The following ATF7 variants were observed in gnomAD, a reference collection of about 807,000 sequenced individuals.
ATF7 encodes cyclic AMP-dependent transcription factor ATF-7.
A neutral mutation model predicts 50.4 loss-of-function variants in ATF7; 10 were observed. The observed-to-expected ratio is 0.20, with a 90% CI of 0.12 to 0.34. The LOEUF (loss-of-function observed/expected upper bound fraction) is 0.34. Ranked by LOEUF, ATF7 falls within the 10% of genes least tolerant of loss-of-function variation. ATF7 has a pLI of 1.00. For synonymous variants in ATF7, 201 were observed against 226.4 expected, an observed-to-expected ratio of 0.89 and a Z score of 1.01; for missense variants, 465 against 613.9, an observed-to-expected ratio of 0.76 and a Z score of 2.56.
At chr12:53,586,771 G>A (rs988234126) in intron 2 of ATF7, among the ~76,000 whole-genome samples, 24 of 152,092 alleles carry the variant, frequency 1.6e-4, no homozygotes, top group African/African-American at 5.8e-4. Flanking sequence ...AGGAACTCCT[G>A]TCATCACTCT....
At chr12:53,612,076 A>G (rs981269504) in intron 1 of ATF7, among the ~76,000 whole-genome samples, 1 of 151,712 alleles carries the variant, frequency 6.6e-6, no homozygotes, top group African/African-American at 2.4e-5. Context: ...CCTGGGTTCC[A>G]GCGATTCTCC....
chr12:53,530,889 G>A (rs575141169), intron 9 of ATF7, among the ~76,000 whole-genome samples: 28 of 152,152 alleles, frequency 1.8e-4, no homozygotes, highest in African/African-American at 6.5e-4. Flanking sequence ...GATTACAGGC[G>A]TGAGCCACCT....
chr12:53,530,531 T>C (rs1368030337), intron 9 of ATF7, among the ~76,000 whole-genome samples: 1 of 152,096 alleles, frequency 6.6e-6, no homozygotes, highest in Non-Finnish European at 1.5e-5. Flanking sequence ...GGGATTTAAT[T>C]GGTAATGAGG....
chr12:53,573,269 T>C (rs1296812315), intron 2 of ATF7, among the ~76,000 whole-genome samples: 1 of 152,160 alleles, frequency 6.6e-6, no homozygotes, highest in Non-Finnish European at 1.5e-5. Flanking sequence ...GGAAACATAG[T>C]ATGGTCATCC....
chr12:53,528,822 T>C (rs902321723), intron 9 of ATF7, among the ~76,000 whole-genome samples: 5 of 151,200 alleles, frequency 3.3e-5, no homozygotes, highest in Non-Finnish European at 4.4e-5. Flanking sequence ...TTTAGGAGAA[T>C]AGGGGAAAGG....
chr12:53,597,330 A>G (rs909462679), intron 2 of ATF7, among the ~76,000 whole-genome samples: 1 of 152,218 alleles, frequency 6.6e-6, no homozygotes, highest in Non-Finnish European at 1.5e-5. Flanking sequence ...ATCCATTGAA[A>G]GCCTAGTGGT....
chr12:53,619,110 T>C (rs1944270943), intron 1 of ATF7, among the ~76,000 whole-genome samples: 1 of 151,936 alleles, frequency 6.6e-6, no homozygotes, highest in African/African-American at 2.4e-5. Context: ...ATGTCAACAT[T>C]ACAGGGAAAC....
intron 2 of ATF7, among the ~76,000 whole-genome samples, chr12:53,566,926 G>A (rs1230990110): frequency 6.6e-6 from 1 of 152,028 alleles, no homozygotes; most frequent in Non-Finnish European, 1.5e-5. Flanking sequence ...GCTAATTTTT[G>A]TATTTTTAGT....
chr12:53,545,247 G>A (rs774985010), intron 3 of ATF7, among the ~76,000 whole-genome samples: 14 of 152,142 alleles, frequency 9.2e-5, no homozygotes, highest in Non-Finnish European at 1.3e-4. Flanking sequence ...TCTGGTTTGT[G>A]AACAAACAGA....
chr12:53,593,902 G>C (rs892404363), intron 2 of ATF7, among the ~76,000 whole-genome samples: 1 of 152,198 alleles, frequency 6.6e-6, no homozygotes, highest in Admixed American at 6.5e-5. Flanking sequence ...CATACAGAGA[G>C]GCCCTAACAA....
In ATF7 at chr12:53,524,631, C is replaced by A; in HGVS notation, c.1058G>T (p.Arg353Leu). The A allele has an allele frequency of 6.2e-7, 1 of 1,613,936 alleles. No individual in the cohort carries two copies. Among genetic ancestry groups the A allele is most frequent in the Non-Finnish European group, 8.5e-7 (1 of 1,179,894 alleles). The change falls in exon 10 of 12, where the codon CGA becomes CTA. Residue 353 changes from arginine (R) to leucine (L), a missense_variant. Coordinates refer to ENST00000420353, the MANE Select transcript of ATF7 (RefSeq NM_006856.3). This position sits in a 1 kb window ranked among gnomAD's most constrained non-coding sequence, Gnocchi z 4.6. Reference sequence around the variant, plus strand: ...CTCTAGGGAGGACACCCACAGCTTTCGCTTTTGGCGGCAGCGGGAGGCTGC... The same window carrying A: ...CTCTAGGGAGGACACCCACAGCTTTAGCTTTTGGCGGCAGCGGGAGGCTGC... ...RAAASRCRQK[R>L]KLWVSSLEKK...
At chr12:53,548,751 G>A (rs2137477441) in intron 3 of ATF7, among the ~76,000 whole-genome samples, 2 of 152,330 alleles carry the variant, frequency 1.3e-5, no homozygotes, top group African/African-American at 4.8e-5. Context: ...GGAAGGCTGA[G>A]GCAAGAGGGT....
intron 5 of ATF7, among the ~76,000 whole-genome samples, chr12:53,535,558 CTG>C (rs1417578892): frequency 3.6e-4 from 54 of 152,000 alleles, no homozygotes; most frequent in Non-Finnish European, 8.8e-5. Context: ...GATCTAGGTG[CTG>C]GTTATACAGA....
intron 2 of ATF7, among the ~76,000 whole-genome samples, chr12:53,557,785 C>T (rs993461752): frequency 6.6e-6 from 1 of 152,176 alleles, no homozygotes; most frequent in Admixed American, 6.6e-5. Context: ...CTATTGAGTA[C>T]TTGCAATGTG....
intron 11 of ATF7, among the ~76,000 whole-genome samples, chr12:53,518,215 G>A: frequency 6.6e-6 from 1 of 152,248 alleles, no homozygotes. Flanking sequence ...CCACAGGTAA[G>A]TCTGATAGAT....
At chr12:53,535,888 C>G (rs79336636) in intron 5 of ATF7, among the ~76,000 whole-genome samples, 16,159 of 152,004 alleles carry the variant, frequency 0.11, 1,210 homozygotes, top group Non-Finnish European at 0.17. Flanking sequence ...GTGCGGTGCT[C>G]ACGTCTGTAA....
At chr12:53,613,016 A>T (rs1943964796) in intron 1 of ATF7, among the ~76,000 whole-genome samples, 1 of 152,134 alleles carries the variant, frequency 6.6e-6, no homozygotes, top group South Asian at 2.1e-4. Flanking sequence ...GAAAAAAAAA[A>T]GGCAAGTGAG....
At chr12:53,621,370 T>C (rs1944371175) in intron 1 of ATF7, among the ~76,000 whole-genome samples, 1 of 152,162 alleles carries the variant, frequency 6.6e-6, no homozygotes, top group Non-Finnish European at 1.5e-5. Context: ...GTTTATCAAA[T>C]TTATCAATAA....
chr12:53,541,983 G>A (rs1424566797), intron 4 of ATF7, among the ~76,000 whole-genome samples: 1 of 152,046 alleles, frequency 6.6e-6, no homozygotes, highest in African/African-American at 2.4e-5. Context: ...CGCCACGCCT[G>A]GCTAAGTTTT....
Sources: allele counts gnomAD v4.1 joint callset (sites outside exome capture counted in the v4.1 genomes callset), GRCh38; gene constraint gnomAD v4.1.1; non-coding constraint Gnocchi (gnomAD v3.1); transcripts MANE v1.5; gene names NCBI Gene and HGNC (gene_info 2026-07-23, HGNC 2026-07-21).